Variants in FHIT observed in about 807,000 individuals in gnomAD.
FHIT encodes the protein bis(5'-adenosyl)-triphosphatase.
In FHIT, 19 loss-of-function variants were observed where a neutral mutation model predicts 17.9. The ratio of observed to expected loss-of-function variants is 1.06; its 90% CI spans 0.74 to 1.56. FHIT has a LOEUF of 1.56. Among genes scored for constraint, FHIT ranks in the 40% most tolerant of loss-of-function variants. FHIT has a pLI of 0.00. For missense variants in FHIT, 248 were observed against 189.2 expected (o/e 1.31, Z -1.82); for synonymous variants, 81 against 69.7 (o/e 1.16, Z -0.81).
intron 5 of FHIT, among the ~76,000 whole-genome samples, chr3:60,345,837 C>G (rs901269700): frequency 6.6e-6 from 1 of 151,532 alleles, no homozygotes; most frequent in Non-Finnish European, 1.5e-5. Context: ...ATAAGAAACA[C>G]CTGGTTTCAC....
chr3:60,146,206 G>C (rs1054222614), intron 5 of FHIT, among the ~76,000 whole-genome samples: 6 of 150,924 alleles, frequency 4.0e-5, no homozygotes, highest in Non-Finnish European at 2.9e-5. Flanking sequence ...TTTAGGATAG[G>C]TCTAGGCAGT....
chr3:60,880,949 G>A (rs550619195), intron 3 of FHIT, among the ~76,000 whole-genome samples: 5 of 152,248 alleles, frequency 3.3e-5, no homozygotes, highest in African/African-American at 1.2e-4. Flanking sequence ...AACCTTGAAT[G>A]TTAACAGAAT....
chr3:60,774,064 T>C (rs941595144), intron 4 of FHIT, among the ~76,000 whole-genome samples: 43 of 152,210 alleles, frequency 2.8e-4, no homozygotes, highest in Non-Finnish European at 4.9e-4. Flanking sequence ...GGCAAAATTA[T>C]CTTCATGATG....
At chr3:59,833,469 G>C (rs1701234058) in intron 8 of FHIT, among the ~76,000 whole-genome samples, 2 of 152,098 alleles carry the variant, frequency 1.3e-5, no homozygotes, top group African/African-American at 4.8e-5. Context: ...ATAAACCAAA[G>C]GCAAGGAAGG....
At chr3:60,071,441 T>A (rs914385043) in intron 5 of FHIT, among the ~76,000 whole-genome samples, 8 of 152,176 alleles carry the variant, frequency 5.3e-5, no homozygotes, top group African/African-American at 1.7e-4. Flanking sequence ...CGTGTCTGTA[T>A]TGGCCTCTTG....
At chr3:59,898,877 T>A (rs1014469680) in intron 8 of FHIT, among the ~76,000 whole-genome samples, 2 of 152,214 alleles carry the variant, frequency 1.3e-5, no homozygotes, top group African/African-American at 4.8e-5. Flanking sequence ...CCAGGTATTA[T>A]ACTAGGCAAT....
At chr3:60,508,489 T>C (rs2034823650) in intron 5 of FHIT, among the ~76,000 whole-genome samples, 1 of 152,174 alleles carries the variant, frequency 6.6e-6, no homozygotes, top group South Asian at 2.1e-4. Context: ...TAAATGATGT[T>C]TGTCAAACTT....
At chr3:60,001,837 A>G (rs1335638181) in intron 7 of FHIT, among the ~76,000 whole-genome samples, 1 of 152,178 alleles carries the variant, frequency 6.6e-6, no homozygotes. Flanking sequence ...TTATACTGCT[A>G]GAACCTGATT....
intron 2 of FHIT, among the ~76,000 whole-genome samples, chr3:61,058,558 G>A (rs181315410): frequency 3.1e-4 from 47 of 152,228 alleles, no homozygotes; most frequent in African/African-American, 1.1e-3. Context: ...GTGAGATCTG[G>A]TTGTTTAAAA....
At position 60,837,866 on chromosome 3, in the gene FHIT, A is replaced by G. The variant is rs566533837; in HGVS notation, c.-110-15855T>C. Among the ~76,000 whole-genome samples, 65 of 152,258 alleles carry G rather than the reference A, an allele frequency of 4.3e-4. 2 individuals carry two copies. In the South Asian group the frequency reaches 0.013, roughly 30 times the overall value. Reference sequence around the variant, plus strand: ...TCATCATTTTACCAGTTTGAGTAACATATAGAAACCCTATCTCCGCACTTT... The same window carrying G: ...TCATCATTTTACCAGTTTGAGTAACGTATAGAAACCCTATCTCCGCACTTT... On this transcript the variant is annotated intron_variant, in intron 3 of 9. Coordinates refer to ENST00000492590, the MANE Select transcript of FHIT (RefSeq NM_002012.4).
At chr3:60,196,565 T>C (rs747723200) in intron 5 of FHIT, among the ~76,000 whole-genome samples, 11 of 152,104 alleles carry the variant, frequency 7.2e-5, no homozygotes, top group Non-Finnish European at 1.3e-4. Flanking sequence ...TTCACAGGTG[T>C]TGGGGATTAG....
chr3:59,862,362 G>A (rs187597804), intron 8 of FHIT, among the ~76,000 whole-genome samples: 153 of 152,264 alleles, frequency 1.0e-3, no homozygotes, highest in African/African-American at 3.5e-3. Context: ...TCCCTCCCAC[G>A]ACACATGGGG....
intron 5 of FHIT, among the ~76,000 whole-genome samples, chr3:60,239,330 T>A (rs1164639317): frequency 2.0e-5 from 3 of 152,050 alleles, no homozygotes; most frequent in Non-Finnish European, 4.4e-5. Flanking sequence ...TTTGGAAGGC[T>A]AAGGTGGGAG....
intron 3 of FHIT, among the ~76,000 whole-genome samples, chr3:61,029,318 G>T (rs573146919): frequency 6.6e-6 from 1 of 152,296 alleles, no homozygotes; most frequent in Non-Finnish European, 1.5e-5. Context: ...ACGACCAAGG[G>T]TTTGAAGCAA....
chr3:60,077,333 G>A (rs548953296), intron 5 of FHIT: 7 of 151,960 alleles, frequency 4.6e-5, no homozygotes, highest in African/African-American at 1.4e-4. Context: ...CTCACAGAGA[G>A]GCTGAAGCAA....
intron 3 of FHIT, among the ~76,000 whole-genome samples, chr3:61,026,450 G>A (rs187966567): frequency 2.6e-5 from 4 of 152,218 alleles, no homozygotes; most frequent in South Asian, 2.1e-4. Flanking sequence ...TTACCATGGC[G>A]CCTGGCTCAA....
At chr3:60,224,375 CAG>C (rs543016033) in intron 5 of FHIT, among the ~76,000 whole-genome samples, 55 of 152,290 alleles carry the variant, frequency 3.6e-4, no homozygotes, top group Admixed American at 1.2e-3. Flanking sequence ...AAAAGAGAAA[CAG>C]AAGATAATTA....
At chr3:61,213,372 C>G (rs1207624519) in intron 1 of FHIT, among the ~76,000 whole-genome samples, 1 of 152,164 alleles carries the variant, frequency 6.6e-6, no homozygotes, top group African/African-American at 2.4e-5. Context: ...TCTGATAAAA[C>G]AGTCTTTAAA....
At chr3:61,180,039 C>A (rs141687773) in intron 2 of FHIT, among the ~76,000 whole-genome samples, 1 of 152,298 alleles carries the variant, frequency 6.6e-6, no homozygotes, top group African/African-American at 2.4e-5. Context: ...AGAAAAGATA[C>A]ACTGAGAAAG....
Sources: allele counts gnomAD v4.1 joint callset (sites outside exome capture counted in the v4.1 genomes callset), GRCh38; gene constraint gnomAD v4.1.1; transcripts MANE v1.5; gene names NCBI Gene and HGNC (gene_info 2026-07-23, HGNC 2026-07-21).